The following ELFN2 variants were observed in gnomAD, a reference collection of about 807,000 sequenced individuals.
ELFN2 encodes the protein extracellular leucine rich repeat and fibronectin type III domain containing 2, also known as protein phosphatase 1 regulatory subunit 29.
In ELFN2, 17 loss-of-function variants were observed where a neutral mutation model predicts 45.5. The ratio of observed to expected loss-of-function variants is 0.37; its 90% CI spans 0.26 to 0.56. The LOEUF (loss-of-function observed/expected upper bound fraction) is 0.56, where lower values mean the gene tolerates loss of function less well. ELFN2 is among the 20% of genes least tolerant of loss of function. The pLI is 0.77. For synonymous variants in ELFN2, 550 were observed against 551.5 expected (o/e 1.00, Z 0.04); for missense variants, 922 against 1,183.2 (o/e 0.78, Z 3.24).
chr22:37,399,743 C>A (rs552558517), intron 2 of ELFN2, among the ~76,000 whole-genome samples: 1 of 152,346 alleles, frequency 6.6e-6, no homozygotes, highest in South Asian at 2.1e-4. Context: ...CTGCCCTCAC[C>A]GGCTGCTGGC....
chr22:37,407,222 G>A (rs1932528001), intron 2 of ELFN2, among the ~76,000 whole-genome samples: 1 of 152,140 alleles, frequency 6.6e-6, no homozygotes, highest in Non-Finnish European at 1.5e-5. Context: ...TCAATTACCT[G>A]CTCAGGCTCT....
chr22:37,364,140 C>T (rs1405827940), downstream of ELFN2, among the ~76,000 whole-genome samples: 5 of 152,194 alleles, frequency 3.3e-5, no homozygotes, highest in African/African-American at 4.8e-5. Context: ...AACACCTGAG[C>T]CAGCAGGGAT....
At chr22:37,411,923 T>C (rs529820946) in intron 2 of ELFN2, among the ~76,000 whole-genome samples, 109 of 152,128 alleles carry the variant, frequency 7.2e-4, no homozygotes, top group African/African-American at 2.6e-3. Context: ...CAGGCCTTCC[T>C]GCAGCCCCTG....
chr22:37,341,483 G>A (rs1342263431), intron 2 of ELFN2, among the ~76,000 whole-genome samples: 1 of 152,202 alleles, frequency 6.6e-6, no homozygotes. Flanking sequence ...AAAGCACTGG[G>A]TCCTTGTCCC....
chr22:37,413,312 C>T (rs529146183), intron 2 of ELFN2, among the ~76,000 whole-genome samples: 6 of 152,066 alleles, frequency 3.9e-5, no homozygotes, highest in South Asian at 2.1e-4. Flanking sequence ...AATCCCTCTA[C>T]AGCTGGCAGT....
chr22:37,409,599 A>C (rs73166423), intron 2 of ELFN2, among the ~76,000 whole-genome samples: 98 of 152,262 alleles, frequency 6.4e-4, no homozygotes, highest in Non-Finnish European at 1.2e-3. Flanking sequence ...AAACCAGCCC[A>C]CCCGTGCCCC....
At position 37,373,454 on chromosome 22, in the gene ELFN2, ATGCCCCCGCCCCCGCCGC is replaced by A; in HGVS notation, c.2063_2080del (p.Ser688_Gly693del). On this transcript the variant is annotated inframe_deletion, in exon 3 of 3. Transcript: ENST00000402918. ...GGCCGGCTTCACCTCCAGGTGGTGG[ATGCCCCCGCCCCCGCCGC>A]TGCCCCCGCCGCTGCCCGCCGGCAC... The A allele has an allele frequency of 6.5e-7, 1 of 1,534,538 alleles. No individual in the cohort carries two copies. Among genetic ancestry groups the A allele is most frequent in the Non-Finnish European group, 8.7e-7 (1 of 1,142,920 alleles).
At chr22:37,419,525 G>A (rs945537021) in intron 1 of ELFN2, among the ~76,000 whole-genome samples, 3 of 151,792 alleles carry the variant, frequency 2.0e-5, no homozygotes, top group African/African-American at 7.3e-5. Context: ...TCCCCAACAC[G>A]CAGGCCCACG....
chr22:37,401,747 A>C (rs2145671949), intron 2 of ELFN2, among the ~76,000 whole-genome samples: 1 of 152,272 alleles, frequency 6.6e-6, no homozygotes, highest in East Asian at 1.9e-4. Context: ...CATGCAAACG[A>C]GGGGCATAAA....
At position 37,372,829 on chromosome 22, in the gene ELFN2, T is replaced by C. The variant is rs1252321851; in HGVS notation, c.*243A>G. On this transcript the variant is annotated 3_prime_UTR_variant, in exon 3 of 3. Transcript: ENST00000402918. This position sits in a 1 kb window ranked among gnomAD's most constrained non-coding sequence, Gnocchi z 4.4. Reference sequence around the variant, plus strand: ...GCACAGTAAAGACGACTGGTTTCGGTATCAGTTTGTAAACTTTAAGGAAAA... The same window carrying C: ...GCACAGTAAAGACGACTGGTTTCGGCATCAGTTTGTAAACTTTAAGGAAAA... 1.0e-5 allele frequency: 5 copies of C among 477,196 alleles called. No individual in the cohort carries two copies. The East Asian group carries it at 1.9e-4, about 18-fold the overall frequency. 29.6% of individuals were successfully genotyped at this position (477,196 alleles called of 1,614,324 possible).
At chr22:37,413,459 G>T (rs953765430) in intron 2 of ELFN2, among the ~76,000 whole-genome samples, 2 of 151,834 alleles carry the variant, frequency 1.3e-5, no homozygotes, top group African/African-American at 4.8e-5. Context: ...CTACTCAGGA[G>T]GCTGAGATGA....
At chr22:37,346,699 G>A (rs1229589740) in intron 1 of ELFN2, among the ~76,000 whole-genome samples, 3 of 152,124 alleles carry the variant, frequency 2.0e-5, no homozygotes, top group African/African-American at 7.2e-5. Flanking sequence ...GCAGAAAACA[G>A]GTGCACACGG....
chr22:37,393,606 C>G (rs1932136990), intron 2 of ELFN2, among the ~76,000 whole-genome samples: 1 of 152,218 alleles, frequency 6.6e-6, no homozygotes, highest in Admixed American at 6.5e-5. Context: ...CGCTAAGTCC[C>G]ATATGGTCCC....
At chr22:37,387,109 CAGTG>C (rs1251745054) in intron 2 of ELFN2, among the ~76,000 whole-genome samples, 18 of 152,202 alleles carry the variant, frequency 1.2e-4, no homozygotes, top group Admixed American at 1.0e-3. Context: ...GCAACCATGA[CAGTG>C]AGGAAGGATG....
intron 2 of ELFN2, among the ~76,000 whole-genome samples, chr22:37,408,766 G>A (rs1451884273): frequency 2.6e-5 from 4 of 152,192 alleles, no homozygotes; most frequent in Admixed American, 1.3e-4. Flanking sequence ...CTGTGGGTAG[G>A]ATCTTTAACC....
At chr22:37,394,867 G>A (rs1932171651) in intron 2 of ELFN2, among the ~76,000 whole-genome samples, 1 of 152,172 alleles carries the variant, frequency 6.6e-6, no homozygotes, top group South Asian at 2.1e-4. Context: ...CACTTTAGGA[G>A]GCCGAGGCGG....
chr22:37,346,103 G>A (rs917091981), intron 1 of ELFN2, among the ~76,000 whole-genome samples: 1 of 152,232 alleles, frequency 6.6e-6, no homozygotes, highest in African/African-American at 2.4e-5. Context: ...GCTTGAGGTT[G>A]ATGTGAGAAT....
intron 2 of ELFN2, among the ~76,000 whole-genome samples, chr22:37,397,167 C>A (rs556470050): frequency 1.3e-5 from 2 of 152,268 alleles, no homozygotes; most frequent in Admixed American, 6.5e-5. Flanking sequence ...CTCCACAGCA[C>A]CCCCATGCTC....
intron 1 of ELFN2, among the ~76,000 whole-genome samples, chr22:37,345,348 G>A (rs1204825225): frequency 6.6e-6 from 1 of 152,114 alleles, no homozygotes; most frequent in African/African-American, 2.4e-5. Flanking sequence ...GGATGATCTG[G>A]GTTCTCTCCC....
Sources: gnomAD v4.1 joint callset for allele counts (sites outside exome capture counted in the v4.1 genomes callset) on GRCh38, gnomAD v4.1.1 for gene constraint, Gnocchi (gnomAD v3.1) non-coding constraint, MANE v1.5 for transcripts, NCBI Gene and HGNC (gene_info 2026-07-23, HGNC 2026-07-21) for gene names.